The following KIAA1549L variants were observed in gnomAD, a reference collection of about 807,000 sequenced individuals.
KIAA1549L encodes the protein UPF0606 protein KIAA1549L.
A neutral mutation model predicts 160.7 loss-of-function variants in KIAA1549L; 88 were observed. That is an observed-to-expected ratio of 0.55 (90% CI 0.46 to 0.65). KIAA1549L has a LOEUF of 0.65. Ranked by LOEUF, KIAA1549L falls within the 30% of genes least tolerant of loss-of-function variation. The pLI, the probability that KIAA1549L is intolerant of heterozygous loss-of-function variation, is 0.00. For synonymous variants in KIAA1549L, 950 were observed against 976.7 expected, an observed-to-expected ratio of 0.97 and a Z score of 0.51; for missense variants, 2,258 against 2,437.5, an observed-to-expected ratio of 0.93 and a Z score of 1.55.
intron 16 of KIAA1549L, among the ~76,000 whole-genome samples, chr11:33,624,600 A>G (rs77642403): frequency 0.033 from 5,076 of 152,268 alleles, 290 homozygotes; most frequent in African/African-American, 0.11. Context: ...ATAAAGCCAA[A>G]AAACTAGCTT....
intron 1 of KIAA1549L, among the ~76,000 whole-genome samples, chr11:33,390,219 T>C (rs1850247398): frequency 6.6e-6 from 1 of 152,178 alleles, no homozygotes; most frequent in Non-Finnish European, 1.5e-5. Flanking sequence ...ACCCAGGCAG[T>C]TCGATTCCAG....
intron 15 of KIAA1549L, among the ~76,000 whole-genome samples, chr11:33,610,785 A>C (rs950014347): frequency 5.3e-5 from 8 of 152,204 alleles, no homozygotes; most frequent in African/African-American, 1.9e-4. Context: ...AATACCTGAG[A>C]CTGGGTAATT....
chr11:33,443,524 TG>T (rs574634688), intron 1 of KIAA1549L, among the ~76,000 whole-genome samples: 1 of 152,166 alleles, frequency 6.6e-6, no homozygotes, highest in Non-Finnish European at 1.5e-5. Context: ...AGTGTGAATC[TG>T]GTCCTAAACC....
At chr11:33,419,971 T>C (rs551632723) in intron 1 of KIAA1549L, among the ~76,000 whole-genome samples, 2 of 152,300 alleles carry the variant, frequency 1.3e-5, no homozygotes, top group South Asian at 4.1e-4. Context: ...TATTATAATA[T>C]TAGGCTTCCT....
intron 8 of KIAA1549L, among the ~76,000 whole-genome samples, chr11:33,564,021 C>T (rs1448347609): frequency 1.3e-5 from 2 of 152,258 alleles, no homozygotes; most frequent in African/African-American, 4.8e-5. Context: ...TAGCCTTCTA[C>T]CCACTCACTT....
chr11:33,550,841 T>C (rs768511780), intron 4 of KIAA1549L, among the ~76,000 whole-genome samples, 199 bp from the exon 5 acceptor site: 7 of 152,188 alleles, frequency 4.6e-5, no homozygotes, highest in Non-Finnish European at 1.5e-5. Flanking sequence ...TGATGTAAAT[T>C]ATATTTTGTT....
At chr11:33,506,700 A>C (rs1181494393) in intron 1 of KIAA1549L, among the ~76,000 whole-genome samples, 1 of 149,782 alleles carries the variant, frequency 6.7e-6, no homozygotes, top group Non-Finnish European at 1.5e-5. Context: ...CGGGTGACAG[A>C]ATAACACCTT....
chr11:33,516,403 G>A lies in KIAA1549L; in HGVS notation c.239-25399G>A, dbSNP rs1253686571. Among the ~76,000 whole-genome samples, 5 of 15,332 alleles carry A rather than the reference G, an allele frequency of 3.3e-4. 2 individuals are homozygous for A. Among genetic ancestry groups the A allele is most frequent in the Admixed American group, 1.1e-3 (2 of 1,902 alleles). 10.1% of individuals were successfully genotyped at this position (15,332 alleles called of 152,430 possible). ...CCTGACCTCGTGATCCGCCCGCCTCGGCCTCCCAAAGTGCTGGGATTACAG... is the reference window on the plus strand; with the variant it reads ...CCTGACCTCGTGATCCGCCCGCCTCAGCCTCCCAAAGTGCTGGGATTACAG... On this transcript the variant is annotated intron_variant, in intron 1 of 20. Coordinates refer to ENST00000658780, the MANE Select transcript of KIAA1549L (RefSeq NM_012194.3).
intron 1 of KIAA1549L, among the ~76,000 whole-genome samples, chr11:33,467,274 A>C (rs1369376140): frequency 6.6e-6 from 1 of 152,206 alleles, no homozygotes; most frequent in Non-Finnish European, 1.5e-5. Flanking sequence ...GGCAGTCTAC[A>C]ATGTATGGAG....
At chr11:33,509,767 T>C (rs187186118) in intron 1 of KIAA1549L, among the ~76,000 whole-genome samples, 49 of 152,220 alleles carry the variant, frequency 3.2e-4, no homozygotes, top group African/African-American at 1.1e-3. Context: ...GGACATGGTG[T>C]GATTTGTGTT....
intron 1 of KIAA1549L, among the ~76,000 whole-genome samples, chr11:33,492,689 T>C (rs1012769991): frequency 1.3e-5 from 2 of 152,198 alleles, no homozygotes; most frequent in Non-Finnish European, 2.9e-5. Flanking sequence ...CATAGGTCAC[T>C]GTGTTAGTTC....
chr11:33,397,379 C>T (rs898356074), intron 1 of KIAA1549L, among the ~76,000 whole-genome samples: 4 of 150,376 alleles, frequency 2.7e-5, no homozygotes, highest in African/African-American at 7.3e-5. Context: ...TTAAGCTCTC[C>T]TCTGTTTTCT....
chr11:33,628,534 A>G (rs2133370155), intron 16 of KIAA1549L, among the ~76,000 whole-genome samples: 1 of 148,898 alleles, frequency 6.7e-6, no homozygotes, highest in Middle Eastern at 3.4e-3. Flanking sequence ...CTTTACCATT[A>G]TGTAATGGCC....
chr11:33,417,166 C>G (rs1376754266), intron 1 of KIAA1549L, among the ~76,000 whole-genome samples: 3 of 152,136 alleles, frequency 2.0e-5, no homozygotes, highest in Non-Finnish European at 2.9e-5. Flanking sequence ...ATTTAAATAG[C>G]CATATGTGGC....
chr11:33,584,544 C>A (rs1424016350), intron 11 of KIAA1549L, among the ~76,000 whole-genome samples: 1 of 152,230 alleles, frequency 6.6e-6, no homozygotes, highest in Non-Finnish European at 1.5e-5. Context: ...TCATGATATT[C>A]CATGAGGGAA....
chr11:33,380,217 A>G (rs1228252224), intron 1 of KIAA1549L, among the ~76,000 whole-genome samples: 1 of 152,202 alleles, frequency 6.6e-6, no homozygotes, highest in Non-Finnish European at 1.5e-5. Context: ...CCAACTTATT[A>G]GTTCCTGATT....
chr11:33,425,437 C>G (rs141402740), intron 1 of KIAA1549L, among the ~76,000 whole-genome samples: 4 of 152,302 alleles, frequency 2.6e-5, no homozygotes, highest in African/African-American at 9.6e-5. Context: ...GTTTCTCTGA[C>G]AACTGTGTTT....
chr11:33,652,408 C>T (rs561256218), intron 17 of KIAA1549L, among the ~76,000 whole-genome samples: 7 of 152,262 alleles, frequency 4.6e-5, no homozygotes, highest in Non-Finnish European at 8.8e-5. Context: ...GAGGATACAG[C>T]CCAAAAGGGT....
At position 33,376,746 on chromosome 11, in the gene KIAA1549L, G is replaced by C. The variant is rs1377677686; in HGVS notation, c.95G>C (p.Arg32Pro). 2 of 151,452 alleles carry C rather than the reference G, an allele frequency of 1.3e-5. No homozygotes were observed. Among genetic ancestry groups the C allele is most frequent in the African/African-American group, 2.4e-5 (1 of 41,342 alleles). The allele number at this position is 151,452 out of a possible 1,614,324, so 9.4% of individuals were successfully genotyped here. Residue 32 changes from arginine to proline, a missense_variant, in exon 1 of 21, where the codon CGG (arginine) becomes CCG (proline). This residue lies in a region of KIAA1549L where 540 missense variants were observed against 465.7 expected (regional missense o/e 1.16). Transcript: ENST00000658780. This position sits in a 1 kb window ranked among gnomAD's most constrained non-coding sequence, Gnocchi z 5.8. ...GGRPVARGLGRAAWGAARCTG... is the reference protein window; with the variant it reads ...GGRPVARGLGPAAWGAARCTG... Reference sequence around the variant, plus strand: ...CGGCCCGTGGCGCGTGGGCTTGGTCGGGCTGCCTGGGGAGCCGCGCGCTGC... The same window carrying C: ...CGGCCCGTGGCGCGTGGGCTTGGTCCGGCTGCCTGGGGAGCCGCGCGCTGC...
Sources: allele counts gnomAD v4.1 joint callset (sites outside exome capture counted in the v4.1 genomes callset), GRCh38; gene constraint gnomAD v4.1.1; regional missense constraint gnomAD v4.1.1; non-coding constraint Gnocchi (gnomAD v3.1); transcripts MANE v1.5; gene names NCBI Gene and HGNC (gene_info 2026-07-23, HGNC 2026-07-21).